Variants in MECR observed in about 807,000 individuals in gnomAD.
MECR encodes the protein mitochondrial trans-2-enoyl-CoA reductase.
Under a neutral mutation model 49.1 loss-of-function variants are expected in MECR, and 37 were observed. The ratio of observed to expected loss-of-function variants is 0.75; its 90% CI spans 0.58 to 0.99. The LOEUF (loss-of-function observed/expected upper bound fraction) is 0.99, where lower values mean the gene tolerates loss of function less well. Ranked by LOEUF, MECR falls within the 50% of genes least tolerant of loss-of-function variation. The probability of loss-of-function intolerance (pLI) is 0.00; values close to 1 mark genes in which losing one functional copy is unlikely to be tolerated. For missense variants in MECR, 470 were observed against 479.6 expected (o/e 0.98, Z 0.19); for synonymous variants, 198 against 191.1 (o/e 1.04, Z -0.30).
chr1:29,198,400 A>G (rs1674526313), intron 7 of MECR, among the ~76,000 whole-genome samples: 1 of 152,218 alleles, frequency 6.6e-6, no homozygotes, highest in African/African-American at 2.4e-5. Flanking sequence ...CACAGCTAGT[A>G]AGTCACAGAG....
the MECR span, among the ~76,000 whole-genome samples, chr1:29,186,337 C>T: frequency 2.0e-5 from 3 of 152,230 alleles, no homozygotes; most frequent in Admixed American, 2.0e-4. Context: ...TGGAATACAG[C>T]TGGCTCCTTC....
chr1:29,172,725 A>G, the MECR span: 2 of 152,230 alleles, frequency 1.3e-5, no homozygotes, highest in Non-Finnish European at 2.9e-5. Flanking sequence ...AGATACTTGA[A>G]TATGTTCACT....
rs1675054331 is a variant in MECR, at chr1:29,200,500, G to A, written c.830+16C>T. ...AGAGCTCTGGCGAGCTGGACCTGCAGGCCCAAGGGACTTACGCTAACTGCC... is the reference window on the plus strand; with the variant it reads ...AGAGCTCTGGCGAGCTGGACCTGCAAGCCCAAGGGACTTACGCTAACTGCC... On this transcript the variant is annotated intron_variant, in intron 7 of 9. Transcript: ENST00000263702. The A allele has an allele frequency of 7.5e-6, 12 of 1,610,028 alleles. No individual in the cohort carries two copies. The highest frequency in any genetic ancestry group is 1.0e-5 in the Non-Finnish European group (12 of 1,176,724).
At chr1:29,199,905 G>A (rs1377584209) in intron 7 of MECR, among the ~76,000 whole-genome samples, 1 of 151,876 alleles carries the variant, frequency 6.6e-6, no homozygotes, top group Non-Finnish European at 1.5e-5. Flanking sequence ...ACTATGCCTG[G>A]CCAGGTAACT....
chr1:29,205,253 T>C (rs1405922090), intron 4 of MECR, among the ~76,000 whole-genome samples: 1 of 152,056 alleles, frequency 6.6e-6, no homozygotes, highest in Non-Finnish European at 1.5e-5. Context: ...GGTGCAATCT[T>C]GGCTCACTGC....
intron 7 of MECR, among the ~76,000 whole-genome samples, chr1:29,197,775 A>T (rs927294435): frequency 2.6e-5 from 4 of 152,190 alleles, no homozygotes; most frequent in Non-Finnish European, 5.9e-5. Flanking sequence ...CACTTCATCT[A>T]ATCAGACTAG....
intron 3 of MECR, among the ~76,000 whole-genome samples, chr1:29,214,613 G>A (rs1038535326): frequency 6.6e-6 from 1 of 151,510 alleles, no homozygotes; most frequent in Non-Finnish European, 1.5e-5. Context: ...CCACCACCTC[G>A]GCCTCCCAAA....
At position 29,214,739 on chromosome 1, in the gene MECR, T is replaced by C. The variant is rs976945629; in HGVS notation, c.406+1266A>G. On this transcript the variant is annotated intron_variant, in intron 3 of 9. Coordinates refer to ENST00000263702, the MANE Select transcript of MECR (RefSeq NM_016011.5). ...AGAAGATCATAACACTGGTGTGTAATGGGAACCCAGGAGAAAGAATCCAGT... is the reference window on the plus strand; with the variant it reads ...AGAAGATCATAACACTGGTGTGTAACGGGAACCCAGGAGAAAGAATCCAGT... Among the ~76,000 whole-genome samples, 6 of 152,322 alleles carry C rather than the reference T, an allele frequency of 3.9e-5. No homozygotes were observed. The South Asian group carries it at 8.3e-4, about 21-fold the overall frequency.
chr1:29,194,664 C>A (rs180821250), intron 9 of MECR, among the ~76,000 whole-genome samples: 2 of 152,188 alleles, frequency 1.3e-5, no homozygotes, highest in Admixed American at 1.3e-4. Flanking sequence ...GACCGGACGC[C>A]ACCAACATCC....
intron 1 of MECR, chr1:29,223,341 A>C: frequency 1.1e-6 from 1 of 933,046 alleles, no homozygotes; most frequent in Non-Finnish European, 1.3e-6. Context: ...AGAGGCCAGT[A>C]CCCTGGGGAC....
chr1:29,195,790 A>T, intron 9 of MECR, 151 bp downstream of exon 9: 2 of 774,310 alleles, frequency 2.6e-6, no homozygotes, highest in Non-Finnish European at 4.4e-6. Flanking sequence ...CTGTTTGCTG[A>T]CTGTAGCTGG....
At chr1:29,227,866 T>G (rs1383165739) in intron 1 of MECR, among the ~76,000 whole-genome samples, 8 of 152,174 alleles carry the variant, frequency 5.3e-5, no homozygotes, top group Non-Finnish European at 1.5e-5. Context: ...TAAAGCCGCC[T>G]GAATCTGGGT....
At chr1:29,176,735 A>C in the MECR span, among the ~76,000 whole-genome samples, 91 of 152,308 alleles carry the variant, frequency 6.0e-4, no homozygotes, top group Non-Finnish European at 1.1e-3. Context: ...TGAACTCCAC[A>C]TTAAAAAAAT....
At chr1:29,181,358 G>C in the MECR span, among the ~76,000 whole-genome samples, 1 of 152,008 alleles carries the variant, frequency 6.6e-6, no homozygotes, top group Non-Finnish European at 1.5e-5. Flanking sequence ...CGGGCGCCCT[G>C]GAGCTGTGCC....
At chr1:29,212,832 C>A (rs1338305207) in intron 3 of MECR, among the ~76,000 whole-genome samples, 1 of 152,252 alleles carries the variant, frequency 6.6e-6, no homozygotes, top group Non-Finnish European at 1.5e-5. Context: ...AGCCCCACCC[C>A]ACCTTTCCAG....
intron 7 of MECR, among the ~76,000 whole-genome samples, chr1:29,198,680 G>A (rs1354929343): frequency 6.6e-6 from 1 of 151,952 alleles, no homozygotes; most frequent in Non-Finnish European, 1.5e-5. Context: ...GCAATGGCAC[G>A]ATCTTGGCTC....
intron 7 of MECR, among the ~76,000 whole-genome samples, chr1:29,198,611 G>GT (rs572697054): frequency 2.0e-4 from 31 of 151,472 alleles, no homozygotes; most frequent in South Asian, 6.3e-4. Flanking sequence ...TTTGGGCCTT[G>GT]TTTTTTTTTG....
the MECR span, among the ~76,000 whole-genome samples, chr1:29,175,019 A>AGTGC: frequency 6.6e-6 from 1 of 151,700 alleles, no homozygotes; most frequent in Non-Finnish European, 1.5e-5. Context: ...AGAGAGACAG[A>AGTGC]GTGCGTGCGT....
downstream of MECR, among the ~76,000 whole-genome samples, chr1:29,188,683 A>G (rs1673071194): frequency 6.6e-6 from 1 of 151,596 alleles, no homozygotes. Context: ...CTTGTTGCCC[A>G]GGATGGAGTG....
Sources: allele counts gnomAD v4.1 joint callset (sites outside exome capture counted in the v4.1 genomes callset), GRCh38; gene constraint gnomAD v4.1.1; transcripts MANE v1.5; gene names NCBI Gene and HGNC (gene_info 2026-07-23, HGNC 2026-07-21).